The following GRHL2 variants were observed in gnomAD, a reference collection of about 807,000 sequenced individuals.
The protein encoded by GRHL2 is grainyhead-like protein 2 homolog.
Under a neutral mutation model 83.8 loss-of-function variants are expected in GRHL2, and 21 were observed. That is an observed-to-expected ratio of 0.25 (90% CI 0.18 to 0.36). The LOEUF is 0.36. Ranked by LOEUF, GRHL2 falls within the 10% of genes least tolerant of loss-of-function variation. The pLI, the probability that GRHL2 is intolerant of heterozygous loss-of-function variation, is 1.00. For missense variants in GRHL2, 623 were observed against 781.8 expected, an observed-to-expected ratio of 0.80 and a Z score of 2.42; for synonymous variants, 280 against 278.9, an observed-to-expected ratio of 1.00 and a Z score of -0.04.
chr8:101,622,562 G>C (rs1333189242), intron 9 of GRHL2, among the ~76,000 whole-genome samples: 1 of 152,124 alleles, frequency 6.6e-6, no homozygotes, highest in Non-Finnish European at 1.5e-5. Context: ...TGAGAAATAA[G>C]TTGACTAACT....
intron 7 of GRHL2, among the ~76,000 whole-genome samples, chr8:101,581,218 C>T (rs1398038989): frequency 6.6e-6 from 1 of 152,206 alleles, no homozygotes; most frequent in Non-Finnish European, 1.5e-5. Flanking sequence ...CTAGTTCTGA[C>T]ATTGGTGGAA....
At chr8:101,546,563 C>G (rs901200169) in intron 2 of GRHL2, among the ~76,000 whole-genome samples, 1 of 151,952 alleles carries the variant, frequency 6.6e-6, no homozygotes, top group African/African-American at 2.4e-5. Context: ...CATGCATCAC[C>G]GCAACCGGCT....
At chr8:101,601,175 CACACACACACACA>C (rs749377769) in intron 8 of GRHL2, among the ~76,000 whole-genome samples, 2 of 151,188 alleles carry the variant, frequency 1.3e-5, no homozygotes, top group African/African-American at 4.9e-5. Flanking sequence ...CACACACACA[CACACACACACACA>C]CCCCACCACC....
At chr8:101,496,843 C>G (rs988043210) in intron 1 of GRHL2, among the ~76,000 whole-genome samples, 2 of 152,006 alleles carry the variant, frequency 1.3e-5, no homozygotes, top group African/African-American at 4.8e-5. Context: ...TGCCAGGGCC[C>G]TGAGGTGAGA....
chr8:101,609,328 A>G (rs144174430), intron 8 of GRHL2, among the ~76,000 whole-genome samples: 1 of 130,242 alleles, frequency 7.7e-6, no homozygotes, highest in Admixed American at 7.7e-5. Context: ...GACTTCGTAG[A>G]TTGTTAGAAA....
Position 101,648,109 on chromosome 8 carries a change from A to G in GRHL2, c.1613-1305A>G, listed in dbSNP as rs1022739865. Among the ~76,000 whole-genome samples, 4 of 152,090 alleles carry G rather than the reference A, an allele frequency of 2.6e-5. No homozygotes were observed. The South Asian group carries it at 8.3e-4, about 32-fold the overall frequency. ...AGGCCACATCACTGGGAGGAGGGAG[A>G]CCACTCAGTGGGGATGAGGGTGGCC... On this transcript the variant is annotated intron_variant, in intron 13 of 15. Transcript: ENST00000646743.
At chr8:101,541,918 C>A (rs1437660826) in intron 1 of GRHL2, among the ~76,000 whole-genome samples, 6 of 152,166 alleles carry the variant, frequency 3.9e-5, no homozygotes, top group Non-Finnish European at 7.3e-5. Flanking sequence ...CGTATAGACT[C>A]CCTCACTTTC....
chr8:101,507,422 G>A (rs1810362836), intron 1 of GRHL2, among the ~76,000 whole-genome samples: 1 of 151,638 alleles, frequency 6.6e-6, no homozygotes, highest in Non-Finnish European at 1.5e-5. Flanking sequence ...TCTATAAGAG[G>A]TAGTTAATTT....
downstream of GRHL2, among the ~76,000 whole-genome samples, chr8:101,673,317 CAG>C: frequency 6.6e-6 from 1 of 152,132 alleles, no homozygotes; most frequent in Admixed American, 6.5e-5. Context: ...ATCTCACGTG[CAG>C]AGACACACAT....
chr8:101,585,008 T>C (rs1387169166), intron 7 of GRHL2, among the ~76,000 whole-genome samples: 1 of 152,050 alleles, frequency 6.6e-6, no homozygotes, highest in African/African-American at 2.4e-5. Context: ...GGTGATCAGG[T>C]AGCCAGGTGG....
At chr8:101,650,878 A>G (rs1355656110) in intron 14 of GRHL2, among the ~76,000 whole-genome samples, 1 of 152,086 alleles carries the variant, frequency 6.6e-6, no homozygotes. Flanking sequence ...CAATGTCATC[A>G]CGCTGCCCTC....
intron 8 of GRHL2, among the ~76,000 whole-genome samples, chr8:101,618,970 T>A (rs1350950065): frequency 6.6e-6 from 1 of 152,102 alleles, no homozygotes; most frequent in Non-Finnish European, 1.5e-5. Context: ...TAAGTAAGAC[T>A]TGGCCAGGCA....
intron 7 of GRHL2, among the ~76,000 whole-genome samples, chr8:101,597,580 A>G (rs1419193015): frequency 1.3e-5 from 2 of 152,050 alleles, no homozygotes; most frequent in African/African-American, 4.8e-5. Flanking sequence ...TATCCCAAGG[A>G]CAAAAAACAG....
At chr8:101,607,126 G>T (rs548365331) in intron 8 of GRHL2, among the ~76,000 whole-genome samples, 5 of 151,974 alleles carry the variant, frequency 3.3e-5, no homozygotes, top group Non-Finnish European at 5.9e-5. Flanking sequence ...TCTCTCTTCC[G>T]GTTCTTTTTG....
chr8:101,570,461 T>G lies in GRHL2; in HGVS notation c.734+67T>G, dbSNP rs374031622. 1.5e-3 allele frequency: 1,888 copies of G among 1,272,512 alleles called. 4 individuals are homozygous for G. Among genetic ancestry groups the G allele is most frequent in the Middle Eastern group, 2.4e-3 (13 of 5,514 alleles). The allele number at this position is 1,272,512 out of a possible 1,614,324, so 78.8% of individuals were successfully genotyped here. The stretch of plus-strand genomic sequence containing the variant: ...ATAAACCTTTAAATGTACCTTCGAG[T>G]TATACCTTTAAACCTTTTTTCTTTG... On this transcript the variant is annotated intron_variant, in intron 5 of 15. Transcript: ENST00000646743.
At position 101,573,592 on chromosome 8, in the gene GRHL2, C is replaced by T. The variant is rs551329731; in HGVS notation, c.735-76C>T. ...CATTGGTTAATGTTCATGTGAAATG[C>T]TATGATGTGAAATTGGTCAAAAGAG... On this transcript the variant is annotated intron_variant, in intron 5 of 15. Transcript: ENST00000646743. 6 of 1,540,686 alleles carry T rather than the reference C, an allele frequency of 3.9e-6. No homozygotes were observed. The South Asian group carries it at 4.5e-5, about 12-fold the overall frequency.
intron 1 of GRHL2, among the ~76,000 whole-genome samples, chr8:101,514,830 T>C (rs1264971195): frequency 6.6e-6 from 1 of 152,096 alleles, no homozygotes; most frequent in Non-Finnish European, 1.5e-5. Context: ...AACCTTTAAG[T>C]TCCACTTCCA....
chr8:101,638,351 T>C (rs1813331146), intron 12 of GRHL2, among the ~76,000 whole-genome samples: 1 of 152,180 alleles, frequency 6.6e-6, no homozygotes, highest in Admixed American at 6.5e-5. Flanking sequence ...TACAAATGGT[T>C]TTTACATTTT....
chr8:101,518,302 C>G (rs571568993), intron 1 of GRHL2, among the ~76,000 whole-genome samples: 1 of 152,290 alleles, frequency 6.6e-6, no homozygotes, highest in South Asian at 2.1e-4. Context: ...ATCCCAGCTA[C>G]TTGGGAGGCT....
Sources: gnomAD v4.1 joint callset for allele counts (sites outside exome capture counted in the v4.1 genomes callset) on GRCh38, gnomAD v4.1.1 for gene constraint, MANE v1.5 for transcripts, NCBI Gene and HGNC (gene_info 2026-07-23, HGNC 2026-07-21) for gene names.